The following PTPRD variants were observed in gnomAD, a reference collection of about 807,000 sequenced individuals.
The protein encoded by PTPRD is receptor-type tyrosine-protein phosphatase delta.
A neutral mutation model predicts 214.5 loss-of-function variants in PTPRD; 34 were observed. The observed-to-expected ratio is 0.16, with a 90% CI of 0.12 to 0.21. PTPRD has a LOEUF of 0.21. Among genes scored for constraint, PTPRD ranks in the 10% least tolerant of loss-of-function variants. The pLI is 1.00. For missense variants in PTPRD, 2,545 were observed against 2,398.7 expected, an observed-to-expected ratio of 1.06 and a Z score of -1.27; for synonymous variants, 1,128 against 845.7, an observed-to-expected ratio of 1.33 and a Z score of -5.79.
chr9:9,002,876 T>C (rs2154356250), intron 11 of PTPRD, among the ~76,000 whole-genome samples: 1 of 152,208 alleles, frequency 6.6e-6, no homozygotes, highest in East Asian at 1.9e-4. Context: ...TTGTGCTATC[T>C]CCCTCCTTAG....
At chr9:8,655,969 C>T (rs141871010) in intron 12 of PTPRD, among the ~76,000 whole-genome samples, 4 of 152,182 alleles carry the variant, frequency 2.6e-5, no homozygotes, top group South Asian at 4.1e-4. Flanking sequence ...AAGTCCTGTT[C>T]AAAGAATTTG....
At chr9:9,123,056 T>G (rs1041171419) in intron 10 of PTPRD, among the ~76,000 whole-genome samples, 3 of 152,236 alleles carry the variant, frequency 2.0e-5, no homozygotes, top group African/African-American at 7.2e-5. Flanking sequence ...CTGATATCTT[T>G]GGACAGAAGG....
intron 10 of PTPRD, among the ~76,000 whole-genome samples, chr9:9,148,056 A>T (rs933436140): frequency 6.6e-6 from 1 of 152,232 alleles, no homozygotes; most frequent in Non-Finnish European, 1.5e-5. Context: ...TAATACGCAT[A>T]TGGAAGCATT....
At chr9:9,882,571 G>A (rs1415598917) in intron 5 of PTPRD, among the ~76,000 whole-genome samples, 1 of 152,112 alleles carries the variant, frequency 6.6e-6, no homozygotes, top group Non-Finnish European at 1.5e-5. Context: ...CTGAAGGAAA[G>A]AATGAGGTTT....
chr9:10,527,259 G>C (rs56275289), intron 2 of PTPRD, among the ~76,000 whole-genome samples: 3,879 of 152,172 alleles, frequency 0.025, 145 homozygotes, highest in African/African-American at 0.088. Context: ...CCACTACAGA[G>C]GCAGGGGCAT....
chr9:10,029,792 G>A (rs1258802218), intron 4 of PTPRD, among the ~76,000 whole-genome samples: 1 of 152,148 alleles, frequency 6.6e-6, no homozygotes, highest in Non-Finnish European at 1.5e-5. Context: ...GACTTCGAGG[G>A]TCTGTTAGGA....
intron 3 of PTPRD, among the ~76,000 whole-genome samples, chr9:10,085,673 C>T (rs2098325285): frequency 6.6e-6 from 1 of 151,772 alleles, no homozygotes; most frequent in African/African-American, 2.4e-5. Context: ...CACCATCACA[C>T]ACATTCATAG....
intron 11 of PTPRD, among the ~76,000 whole-genome samples, chr9:8,803,922 AT>A (rs887352592): frequency 1.0e-3 from 153 of 149,016 alleles, no homozygotes; most frequent in African/African-American, 3.4e-3. Context: ...TATCTACTGG[AT>A]TTTTTTTTTA....
chr9:9,173,063 C>T (rs565679403), intron 10 of PTPRD, among the ~76,000 whole-genome samples: 1 of 152,250 alleles, frequency 6.6e-6, no homozygotes, highest in African/African-American at 2.4e-5. Flanking sequence ...TGACTCTCCT[C>T]AGACTTTCAC....
chr9:9,452,587 C>T (rs2092399752), intron 8 of PTPRD, among the ~76,000 whole-genome samples: 1 of 150,994 alleles, frequency 6.6e-6, no homozygotes, highest in Admixed American at 6.6e-5. Context: ...AAAAAACTTC[C>T]CATAGCTAAC....
chr9:8,950,037 A>G (rs1156456273), intron 11 of PTPRD, among the ~76,000 whole-genome samples: 1 of 152,138 alleles, frequency 6.6e-6, no homozygotes, highest in Non-Finnish European at 1.5e-5. Flanking sequence ...TTAATTCATC[A>G]ATCGTGTTGC....
At chr9:9,980,880 T>G (rs920354619) in intron 4 of PTPRD, among the ~76,000 whole-genome samples, 2 of 151,772 alleles carry the variant, frequency 1.3e-5, no homozygotes, top group Non-Finnish European at 2.9e-5. Context: ...AAATGCTAAT[T>G]TAACCATGTT....
chr9:10,127,391 T>C (rs1326878003), intron 3 of PTPRD, among the ~76,000 whole-genome samples: 2 of 152,196 alleles, frequency 1.3e-5, no homozygotes, highest in African/African-American at 4.8e-5. Context: ...ATTCTACAAA[T>C]TGAATTAATA....
intron 10 of PTPRD, among the ~76,000 whole-genome samples, chr9:9,060,645 T>C (rs569770653): frequency 6.6e-6 from 1 of 152,080 alleles, no homozygotes; most frequent in Non-Finnish European, 1.5e-5. Context: ...TAGGAATAAC[T>C]TAGAAAAAAG....
intron 7 of PTPRD, among the ~76,000 whole-genome samples, chr9:9,653,043 C>T (rs1255633481): frequency 1.3e-5 from 2 of 151,892 alleles, no homozygotes; most frequent in African/African-American, 4.8e-5. Context: ...AAATAATGCC[C>T]TTTAAAAAGT....
chr9:8,332,438 C>T (rs902545249), intron 43 of PTPRD, among the ~76,000 whole-genome samples: 4 of 152,244 alleles, frequency 2.6e-5, no homozygotes, highest in East Asian at 1.9e-4. Context: ...AGGATACCAA[C>T]GACTATTAGC....
intron 7 of PTPRD, among the ~76,000 whole-genome samples, chr9:9,649,096 C>T (rs759149433): frequency 2.0e-5 from 3 of 151,998 alleles, no homozygotes; most frequent in Non-Finnish European, 2.9e-5. Flanking sequence ...GTAAACAAAC[C>T]AAGACGCAGT....
At chr9:9,156,646 G>A (rs936507109) in intron 10 of PTPRD, among the ~76,000 whole-genome samples, 1 of 152,086 alleles carries the variant, frequency 6.6e-6, no homozygotes, top group Non-Finnish European at 1.5e-5. Flanking sequence ...GCGGCGTCAT[G>A]TATTTTTGCT....
chr9:10,130,025 G>C (rs1203313700), intron 3 of PTPRD, among the ~76,000 whole-genome samples: 2 of 151,098 alleles, frequency 1.3e-5, no homozygotes, highest in African/African-American at 4.9e-5. Context: ...TAAAATTGGT[G>C]CACTGAAAAG....
Sources: allele counts gnomAD v4.1 joint callset (sites outside exome capture counted in the v4.1 genomes callset), GRCh38; gene constraint gnomAD v4.1.1; transcripts MANE v1.5; gene names NCBI Gene and HGNC (gene_info 2026-07-23, HGNC 2026-07-21).